BIRC6: variants seen among roughly 807,000 people sequenced by gnomAD.
The protein encoded by BIRC6 is dual E2 ubiquitin-conjugating enzyme/E3 ubiquitin-protein ligase BIRC6.
In BIRC6, 98 loss-of-function variants were observed where a neutral mutation model predicts 503.3. That is an observed-to-expected ratio of 0.19 (90% CI 0.17 to 0.23). The LOEUF (loss-of-function observed/expected upper bound fraction) is 0.23, where lower values mean the gene tolerates loss of function less well. Ranked by LOEUF, BIRC6 falls within the 10% of genes least tolerant of loss-of-function variation. The pLI is 1.00. For missense variants in BIRC6, 5,360 were observed against 5,806.0 expected, an observed-to-expected ratio of 0.92 and a Z score of 2.50; for synonymous variants, 2,240 against 2,078.7, an observed-to-expected ratio of 1.08 and a Z score of -2.11.
In BIRC6 at chr2:32,420,953, T is replaced by C. The variant is rs533700491; in HGVS notation, c.2872+4790T>C. On this transcript the variant is annotated intron_variant, in intron 10 of 73. Transcript: ENST00000421745. ...GTTTTATTGATTTTTTTTTTTTTTT[T>C]CAGAACAACCAGCTTCTGATTTAAA... 9.9e-4 allele frequency among the ~76,000 whole-genome samples: 131 copies of C among 131,906 alleles called. 1 individual carries two copies. Among genetic ancestry groups the C allele is most frequent in the Middle Eastern group, 7.8e-3 (2 of 256 alleles). 86.5% of individuals were successfully genotyped at this position (131,906 alleles called of 152,430 possible). A position where few individuals can be genotyped will look rare whatever the true frequency, so the allele number is the denominator to read the frequency against.
In BIRC6 at chr2:32,525,642, A is replaced by G; in HGVS notation, c.11920+14A>G. The G allele has an allele frequency of 1.9e-6, 3 of 1,602,702 alleles. No individual in the cohort carries two copies. The South Asian group carries it at 3.4e-5, about 18-fold the overall frequency. On this transcript the variant is annotated intron_variant, in intron 59 of 73. Transcript: ENST00000421745. ...AACTCTTGGCAGGTAATATTCCTCA[A>G]TGAATAAACGTCAAAGAAATTTTAG... is the stretch of plus-strand genomic sequence containing the variant.
At chr2:32,485,099 A>C (rs1223969604) in intron 39 of BIRC6, among the ~76,000 whole-genome samples, 1 of 152,224 alleles carries the variant, frequency 6.6e-6, no homozygotes, top group African/African-American at 2.4e-5. Flanking sequence ...TTAAAGGAGA[A>C]ATGTGGTTAA....
chr2:32,531,545 T>TC lies in BIRC6; in HGVS notation c.12286dup (p.Gln4096ProfsTer19). The TC allele has an allele frequency of 6.2e-7, 1 of 1,609,274 alleles. No individual in the cohort carries two copies. The highest frequency in any genetic ancestry group is 8.5e-7 in the Non-Finnish European group (1 of 1,177,286). ...TACCCATGCTATATCCAGAAGTAAT[T>TC]CAACAGGTAAGATAAGATTTCCTAA... On this transcript the variant is annotated frameshift_variant, in exon 61 of 74. Coordinates refer to ENST00000421745, the MANE Select transcript of BIRC6 (RefSeq NM_016252.4). LOFTEE classifies it high-confidence loss of function.
chr2:32,582,530 G>A (rs559976324), intron 66 of BIRC6, among the ~76,000 whole-genome samples: 1 of 152,264 alleles, frequency 6.6e-6, no homozygotes, highest in East Asian at 1.9e-4. Flanking sequence ...TTGAGAGGCC[G>A]AGGCAGGTGG....
At chr2:32,363,922 T>C (rs72867223) in intron 1 of BIRC6, among the ~76,000 whole-genome samples, 2,483 of 152,324 alleles carry the variant, frequency 0.016, 30 homozygotes, top group African/African-American at 0.026. Flanking sequence ...TCACTAAATG[T>C]TTATACATAG....
chr2:32,595,918 A>G (rs1227502677), intron 68 of BIRC6, among the ~76,000 whole-genome samples: 3 of 152,182 alleles, frequency 2.0e-5, no homozygotes, highest in Non-Finnish European at 4.4e-5. Context: ...GTCTAATGAT[A>G]TTACAGCCTT....
In BIRC6 at chr2:32,549,370, T is replaced by C; in HGVS notation, c.13033T>C (p.Ser4345Pro). 6.6e-7 allele frequency: 1 copy of C among 1,506,668 alleles called. No individual in the cohort carries two copies. Among genetic ancestry groups the C allele is most frequent in the East Asian group, 2.3e-5 (1 of 43,172 alleles). 93.3% of individuals were successfully genotyped at this position (1,506,668 alleles called of 1,614,324 possible). Residue 4345 changes from serine (S) to proline (P), a missense_variant, in exon 65 of 74, where the codon TCT (serine) becomes CCT (proline). Physicochemically the swap from Ser to Pro is moderately conservative, Grantham distance 74. Transcript: ENST00000421745. ...TGCGGTAAATGGAGAAGCTCAGTCA[T>C]CTCATGAGACTAGAGGGCAGAACAG... is the stretch of plus-strand genomic sequence containing the variant. ...SSAVNGEAQSSHETRGQNSNA... is the reference protein window; with the variant it reads ...SSAVNGEAQSPHETRGQNSNA...
chr2:32,464,922 T>C (rs1349354509), intron 25 of BIRC6, 99 bp downstream of exon 25: 14 of 1,418,706 alleles, frequency 9.9e-6, no homozygotes, highest in South Asian at 1.4e-5. Flanking sequence ...CAACTAGATG[T>C]ATCAAGTTAT....
At chr2:32,407,875 A>G (rs1375052321) in intron 9 of BIRC6, among the ~76,000 whole-genome samples, 1 of 152,182 alleles carries the variant, frequency 6.6e-6, no homozygotes, top group Non-Finnish European at 1.5e-5. Flanking sequence ...TTTCTTTTAA[A>G]AAAACATAGA....
intron 4 of BIRC6, 21 bp from the exon 5 acceptor site, chr2:32,392,018 A>T: frequency 7.0e-7 from 1 of 1,421,112 alleles, no homozygotes; most frequent in Non-Finnish European, 9.6e-7. Context: ...CTTCAATTAC[A>T]TAAAGTATGT....
intron 10 of BIRC6, among the ~76,000 whole-genome samples, chr2:32,428,421 G>A (rs981137909): frequency 3.3e-5 from 5 of 152,126 alleles, no homozygotes; most frequent in Non-Finnish European, 7.3e-5. Flanking sequence ...TGTTTAAACT[G>A]GACGCTCTCC....
intron 60 of BIRC6, among the ~76,000 whole-genome samples, chr2:32,530,833 C>T (rs959326734): frequency 2.6e-5 from 4 of 152,082 alleles, no homozygotes; most frequent in Admixed American, 6.6e-5. Context: ...GGTCTGGTTA[C>T]GTGACCTTTT....
At chr2:32,424,087 A>G (rs1227476984) in intron 10 of BIRC6, among the ~76,000 whole-genome samples, 1 of 152,188 alleles carries the variant, frequency 6.6e-6, no homozygotes, top group African/African-American at 2.4e-5. Flanking sequence ...GGAAAGAAAA[A>G]TATTTTATGT....
At chr2:32,517,830 C>T (rs1011497977) in intron 55 of BIRC6, among the ~76,000 whole-genome samples, 10 of 152,084 alleles carry the variant, frequency 6.6e-5, no homozygotes, top group Admixed American at 2.0e-4. Flanking sequence ...GATCTCTTCT[C>T]TTAGTTTCCC....
At chr2:32,446,226 GA>G (rs1212812098) in intron 21 of BIRC6, among the ~76,000 whole-genome samples, 19 of 152,180 alleles carry the variant, frequency 1.2e-4, no homozygotes, top group African/African-American at 2.9e-4. Context: ...ATTTAATAAT[GA>G]AAAGTGGTAT....
At chr2:32,380,359 C>G in intron 3 of BIRC6, 69 bp downstream of exon 3, 1 of 1,446,064 alleles carries the variant, frequency 6.9e-7, no homozygotes, top group Non-Finnish European at 9.1e-7. Context: ...TTTGCACTTT[C>G]CTTTCCTCTC....
chr2:32,416,869 T>C (rs1341262339), intron 10 of BIRC6, among the ~76,000 whole-genome samples: 1 of 150,840 alleles, frequency 6.6e-6, no homozygotes, highest in Non-Finnish European at 1.5e-5. Context: ...GAAGTTTCAT[T>C]CTTGTTGCCC....
intron 44 of BIRC6, among the ~76,000 whole-genome samples, chr2:32,492,269 T>C (rs1232866369): frequency 6.6e-6 from 1 of 152,106 alleles, no homozygotes; most frequent in Middle Eastern, 3.2e-3. Context: ...TTTAGGAGGC[T>C]TCTGTGTGCT....
At chr2:32,457,004 G>GCCC (rs915012991) in intron 23 of BIRC6, among the ~76,000 whole-genome samples, 4 of 152,012 alleles carry the variant, frequency 2.6e-5, no homozygotes, top group Admixed American at 6.6e-5. Flanking sequence ...TGTCCCTCCT[G>GCCC]CCCCTGTCTC....
Sources: allele counts gnomAD v4.1 joint callset (sites outside exome capture counted in the v4.1 genomes callset), GRCh38; gene constraint gnomAD v4.1.1; transcripts MANE v1.5; gene names NCBI Gene and HGNC (gene_info 2026-07-23, HGNC 2026-07-21).